CNTN5: variants seen among roughly 807,000 people sequenced by gnomAD.
The protein encoded by CNTN5 is contactin 5, also known as contactin-5.
Under a neutral mutation model 129.1 loss-of-function variants are expected in CNTN5, and 77 were observed. The ratio of observed to expected loss-of-function variants is 0.60; its 90% CI spans 0.50 to 0.72. The LOEUF (loss-of-function observed/expected upper bound fraction) is 0.72, where lower values mean the gene tolerates loss of function less well. Ranked by LOEUF, CNTN5 falls within the 30% of genes least tolerant of loss-of-function variation. The probability of loss-of-function intolerance (pLI) is 0.00; values close to 1 mark genes in which losing one functional copy is unlikely to be tolerated. For missense variants in CNTN5, 1,478 were observed against 1,328.8 expected, an observed-to-expected ratio of 1.11 and a Z score of -1.75; for synonymous variants, 509 against 465.6, an observed-to-expected ratio of 1.09 and a Z score of -1.20.
intron 7 of CNTN5, among the ~76,000 whole-genome samples, chr11:99,918,717 C>G (rs928939560): frequency 6.6e-6 from 1 of 152,112 alleles, no homozygotes; most frequent in Admixed American, 6.6e-5. Flanking sequence ...AAGTCAGATA[C>G]AAAAGAATTT....
intron 2 of CNTN5, among the ~76,000 whole-genome samples, chr11:99,509,384 T>C (rs1363904950): frequency 6.6e-6 from 1 of 152,162 alleles, no homozygotes; most frequent in Non-Finnish European, 1.5e-5. Context: ...TTTAATTTAA[T>C]AGAGGAAATT....
At chr11:99,361,423 A>G (rs1285331879) in intron 2 of CNTN5, among the ~76,000 whole-genome samples, 3 of 152,182 alleles carry the variant, frequency 2.0e-5, no homozygotes, top group African/African-American at 7.2e-5. Flanking sequence ...TATTTAATAA[A>G]TAATTGAACC....
intron 13 of CNTN5, among the ~76,000 whole-genome samples, chr11:100,173,195 C>G (rs369266792): frequency 1.3e-5 from 2 of 152,024 alleles, no homozygotes; most frequent in African/African-American, 4.8e-5. Flanking sequence ...CATTGCCTTC[C>G]CCATTATGCC....
chr11:99,494,653 T>G (rs2135362150), intron 2 of CNTN5, among the ~76,000 whole-genome samples: 1 of 152,298 alleles, frequency 6.6e-6, no homozygotes, highest in Middle Eastern at 3.4e-3. Context: ...CTGTGATAAT[T>G]AGCTTACCAC....
At chr11:100,356,066 C>G in intron 24 of CNTN5, 51 bp from the exon 25 acceptor site, 1 of 1,286,354 alleles carries the variant, frequency 7.8e-7, no homozygotes, top group Non-Finnish European at 1.1e-6. Context: ...TCTGTCCTAG[C>G]TCAAGCAAAA....
chr11:99,033,039 G>T lies in CNTN5; in HGVS notation c.-210+11769G>T, dbSNP rs1482484902. Among the ~76,000 whole-genome samples, 3 of 144,406 alleles carry T rather than the reference G, an allele frequency of 2.1e-5. No individual in the cohort carries two copies. The South Asian group carries it at 6.6e-4, about 32-fold the overall frequency. The allele number at this position is 144,406 out of a possible 152,430, so 94.7% of individuals were successfully genotyped here. A position where few individuals can be genotyped will look rare whatever the true frequency, so the allele number is the denominator to read the frequency against. Reference sequence around the variant, plus strand: ...TTAAATAGGGAATCCTTTCCCCATTGCTTGTTTTTGTCAGGTTTGTCAAAG... The same window carrying T: ...TTAAATAGGGAATCCTTTCCCCATTTCTTGTTTTTGTCAGGTTTGTCAAAG... On this transcript the variant is annotated intron_variant, in intron 1 of 24. Transcript: ENST00000524871.
At chr11:100,264,552 G>A (rs543288802) in intron 17 of CNTN5, among the ~76,000 whole-genome samples, 1 of 152,284 alleles carries the variant, frequency 6.6e-6, no homozygotes, top group Admixed American at 6.5e-5. Context: ...CCTGGCAAAG[G>A]ATGTGAACTC....
chr11:99,858,249 ACTGT>A (rs1948100257), intron 6 of CNTN5, among the ~76,000 whole-genome samples: 2 of 152,132 alleles, frequency 1.3e-5, no homozygotes, highest in Admixed American at 1.3e-4. Context: ...GTGTCTATAA[ACTGT>A]CAGTAAAGAG....
At chr11:99,086,466 T>C (rs913852949) in intron 1 of CNTN5, among the ~76,000 whole-genome samples, 2 of 152,018 alleles carry the variant, frequency 1.3e-5, no homozygotes, top group Non-Finnish European at 2.9e-5. Flanking sequence ...GAAGGTGAAG[T>C]GGGGGGCCAG....
At position 100,258,519 on chromosome 11, in the gene CNTN5, T is replaced by C. The variant is rs551247789; in HGVS notation, c.2164+2601T>C. 7.2e-5 allele frequency among the ~76,000 whole-genome samples: 11 copies of C among 152,024 alleles called. No individual in the cohort carries two copies. In the South Asian group the frequency reaches 2.3e-3, roughly 32 times the overall value. On this transcript the variant is annotated intron_variant, in intron 17 of 24. Coordinates refer to ENST00000524871, the MANE Select transcript of CNTN5 (RefSeq NM_014361.4). The stretch of plus-strand genomic sequence containing the variant: ...ACCAAGGTTGAAATGAAGGAAAAAA[T>C]GTTATGGGCAGCCAGAGAGAAATGT...
intron 3 of CNTN5, among the ~76,000 whole-genome samples, chr11:99,733,243 A>T (rs1448538654): frequency 6.7e-6 from 1 of 149,742 alleles, no homozygotes; most frequent in Non-Finnish European, 1.5e-5. Flanking sequence ...AACTGCTTGA[A>T]CCTGGGAGGC....
At chr11:99,448,402 C>G (rs1437589687) in intron 2 of CNTN5, among the ~76,000 whole-genome samples, 1 of 152,120 alleles carries the variant, frequency 6.6e-6, no homozygotes, top group Non-Finnish European at 1.5e-5. Flanking sequence ...ATGAGTATAT[C>G]ATGCATATGC....
Position 99,830,122 on chromosome 11 carries a change from C to G in CNTN5, c.277+10357C>G, listed in dbSNP as rs10893950. Among the ~76,000 whole-genome samples the G allele has an allele frequency of 1.7e-4, 26 of 151,926 alleles. No individual in the cohort carries two copies. The South Asian group carries it at 3.3e-3, about 19-fold the overall frequency. ...CAAATTAGATAGGTCAAACTTTTTT[C>G]GGGGGCGGGGAGCATGTTCTTCTGT... On this transcript the variant is annotated intron_variant, in intron 4 of 24. Coordinates refer to ENST00000524871, the MANE Select transcript of CNTN5 (RefSeq NM_014361.4).
intron 9 of CNTN5, among the ~76,000 whole-genome samples, chr11:100,052,058 G>C (rs928340308): frequency 2.8e-4 from 43 of 151,832 alleles, no homozygotes; most frequent in African/African-American, 1.0e-3. Flanking sequence ...ATTTATCTCA[G>C]GAATGTACAG....
intron 9 of CNTN5, among the ~76,000 whole-genome samples, chr11:100,034,322 C>T (rs1281900041): frequency 6.6e-6 from 1 of 152,206 alleles, no homozygotes; most frequent in Non-Finnish European, 1.5e-5. Context: ...TATTATCTAA[C>T]TGTGTAAGCC....
intron 13 of CNTN5, among the ~76,000 whole-genome samples, chr11:100,138,271 C>T (rs1024229511): frequency 1.3e-5 from 2 of 151,280 alleles, no homozygotes; most frequent in Non-Finnish European, 2.9e-5. Flanking sequence ...TGAACCGATA[C>T]CAAACATTTT....
chr11:99,549,053 C>T (rs777603557), intron 2 of CNTN5, among the ~76,000 whole-genome samples: 4 of 150,612 alleles, frequency 2.7e-5, no homozygotes, highest in Non-Finnish European at 5.9e-5. Context: ...TTTAGGTAAT[C>T]TTTTTATTCC....
At chr11:99,652,991 A>T (rs1048937540) in intron 3 of CNTN5, among the ~76,000 whole-genome samples, 2 of 152,006 alleles carry the variant, frequency 1.3e-5, no homozygotes, top group African/African-American at 4.8e-5. Context: ...GGTAAGCTCA[A>T]CATTTGCTGA....
intron 3 of CNTN5, among the ~76,000 whole-genome samples, chr11:99,757,504 G>T (rs1379574587): frequency 6.6e-6 from 1 of 150,606 alleles, no homozygotes. Flanking sequence ...ATCTTCACAT[G>T]GAGCTGTGTG....
Sources: gnomAD v4.1 joint callset for allele counts (sites outside exome capture counted in the v4.1 genomes callset) on GRCh38, gnomAD v4.1.1 for gene constraint, MANE v1.5 for transcripts, NCBI Gene and HGNC (gene_info 2026-07-23, HGNC 2026-07-21) for gene names.